The following CADM1 variants were observed in gnomAD, a reference collection of about 807,000 sequenced individuals.
The protein encoded by CADM1 is TSLC-1.
Under a neutral mutation model 53.1 loss-of-function variants are expected in CADM1, and 15 were observed. The observed-to-expected ratio is 0.28, with a 90% CI of 0.19 to 0.44. CADM1 has a LOEUF of 0.44. Ranked by LOEUF, CADM1 falls within the 20% of genes least tolerant of loss-of-function variation. The pLI, the probability that CADM1 is intolerant of heterozygous loss-of-function variation, is 1.00. For synonymous variants in CADM1, 281 were observed against 243.0 expected (o/e 1.16, Z -1.45); for missense variants, 434 against 611.3 (o/e 0.71, Z 3.06).
At chr11:115,499,135 T>C (rs969946270) in intron 1 of CADM1, among the ~76,000 whole-genome samples, 3 of 152,214 alleles carry the variant, frequency 2.0e-5, no homozygotes, top group Admixed American at 6.5e-5. Context: ...CAGCTTTTTC[T>C]TGGTTTCATG....
At chr11:115,426,172 T>C (rs914247413) in intron 1 of CADM1, among the ~76,000 whole-genome samples, 1 of 152,216 alleles carries the variant, frequency 6.6e-6, no homozygotes, top group African/African-American at 2.4e-5. Flanking sequence ...GAATTTTCTT[T>C]TGAGCTTCAG....
At chr11:115,496,508 AGAGG>A (rs1949617534) in intron 1 of CADM1, among the ~76,000 whole-genome samples, 1 of 152,168 alleles carries the variant, frequency 6.6e-6, no homozygotes, top group Non-Finnish European at 1.5e-5. Context: ...AGGGCAATAG[AGAGG>A]GAGTGGGAGA....
At chr11:115,413,501 A>G (rs942784795) in intron 1 of CADM1, among the ~76,000 whole-genome samples, 10 of 152,224 alleles carry the variant, frequency 6.6e-5, no homozygotes, top group Admixed American at 2.6e-4. Context: ...AAAGAACTCT[A>G]TGAGGAAGAT....
At chr11:115,282,710 G>C (rs1034461128) in intron 1 of CADM1, among the ~76,000 whole-genome samples, 5 of 152,114 alleles carry the variant, frequency 3.3e-5, no homozygotes, top group Admixed American at 1.3e-4. Context: ...TTGGGTTTCT[G>C]GTCAACACAT....
chr11:115,468,252 A>G (rs1357826640), intron 1 of CADM1, among the ~76,000 whole-genome samples: 1 of 152,238 alleles, frequency 6.6e-6, no homozygotes, highest in Admixed American at 6.5e-5. Flanking sequence ...GAAAATTACA[A>G]AGAAGAAAAA....
chr11:115,473,884 A>T, intron 1 of CADM1, among the ~76,000 whole-genome samples: 1 of 152,202 alleles, frequency 6.6e-6, no homozygotes, highest in East Asian at 1.9e-4. Flanking sequence ...CTATTAAGAG[A>T]CTGAAAAGAA....
Position 115,176,591 on chromosome 11 carries a change from A to T in CADM1, c.1299T>A (p.Gly433=). Reference sequence around the variant, plus strand: ...CTTTGGCTTCATGAGTGAAGTATGTACCTGAAAGATGAAGGGGTAAAGCAC... The same window carrying T: ...CTTTGGCTTCATGAGTGAAGTATGTTCCTGAAAGATGAAGGGGTAAAGCAC... ...ILGRYFARHK[G]TYFTHEAKGA... is the part of the protein sequence containing the mutation. Residue 433 remains glycine (G), a splice_region_variant and synonymous_variant, in exon 12 of 12, where the codon GGT becomes GGA. Coordinates refer to ENST00000331581, the MANE Select transcript of CADM1 (RefSeq NM_001301043.2). 1 of 1,613,502 alleles carries T rather than the reference A, an allele frequency of 6.2e-7. No individual in the cohort carries two copies. The highest frequency in any genetic ancestry group is 8.5e-7 in the Non-Finnish European group (1 of 1,179,490).
chr11:115,377,270 A>T (rs1307428896), intron 1 of CADM1: 1 of 152,196 alleles, frequency 6.6e-6, no homozygotes, highest in African/African-American at 2.4e-5. Context: ...CCAATACTTG[A>T]AATTATTTTC....
At chr11:115,492,958 CA>C (rs1428893610) in intron 1 of CADM1, among the ~76,000 whole-genome samples, 34 of 151,512 alleles carry the variant, frequency 2.2e-4, no homozygotes, top group Non-Finnish European at 4.1e-4. Context: ...CACACACACA[CA>C]CACCCTTGTT....
intron 1 of CADM1, among the ~76,000 whole-genome samples, chr11:115,319,929 T>G (rs1944776934): frequency 6.6e-6 from 1 of 152,226 alleles, no homozygotes. Context: ...TATCTTCCTG[T>G]TGGGGCCTTA....
At chr11:115,503,606 C>G (rs1239616957) in intron 1 of CADM1, among the ~76,000 whole-genome samples, 2 of 152,126 alleles carry the variant, frequency 1.3e-5, no homozygotes, top group East Asian at 3.9e-4. Context: ...CGCCTGGAGC[C>G]GGGCCAAAAA....
chr11:115,211,257 A>C (rs1215097602), intron 7 of CADM1, among the ~76,000 whole-genome samples: 1 of 152,076 alleles, frequency 6.6e-6, no homozygotes, highest in East Asian at 1.9e-4. Flanking sequence ...AGGTGTCAGC[A>C]TAGATATAAA....
chr11:115,180,459 T>G (rs1397758129), intron 10 of CADM1, among the ~76,000 whole-genome samples: 1 of 152,070 alleles, frequency 6.6e-6, no homozygotes, highest in Non-Finnish European at 1.5e-5. Context: ...TGCAGCCAAT[T>G]AGCCCGCTCT....
In CADM1 at chr11:115,395,032, C is replaced by A. The variant is rs111453196; in HGVS notation, c.124+109239G>T. ...AACAGATTTATAAAAATCAAATACA[C>A]GTGTGATATTTAGACTTGCCTTTGA... is the stretch of plus-strand genomic sequence containing the variant. On this transcript the variant is annotated intron_variant, in intron 1 of 11. Transcript: ENST00000331581. Among the ~76,000 whole-genome samples, 907 of 152,220 alleles carry A rather than the reference C, an allele frequency of 6.0e-3. 4 individuals are homozygous for A. Among genetic ancestry groups the A allele is most frequent in the Middle Eastern group, 0.031 (9 of 294 alleles).
chr11:115,443,046 T>A (rs1215009290), intron 1 of CADM1, among the ~76,000 whole-genome samples: 1 of 152,260 alleles, frequency 6.6e-6, no homozygotes, highest in African/African-American at 2.4e-5. Flanking sequence ...GTTGCCTTAT[T>A]GTTTATAATG....
chr11:115,281,253 C>T (rs536540583), intron 1 of CADM1, among the ~76,000 whole-genome samples: 160 of 152,258 alleles, frequency 1.1e-3, no homozygotes, highest in Admixed American at 1.9e-3. Flanking sequence ...TTATCCAGAG[C>T]GTAGGAGGCA....
intron 1 of CADM1, among the ~76,000 whole-genome samples, chr11:115,473,267 T>C (rs1949055987): frequency 6.6e-6 from 1 of 152,186 alleles, no homozygotes; most frequent in East Asian, 1.9e-4. Flanking sequence ...GACACCAGCC[T>C]GGGGAACATA....
intron 1 of CADM1, among the ~76,000 whole-genome samples, chr11:115,483,807 G>C (rs532899639): frequency 2.6e-5 from 4 of 152,256 alleles, no homozygotes; most frequent in Admixed American, 1.3e-4. Context: ...TAAAAATTCA[G>C]CCCCTTAGTC....
At chr11:115,429,485 A>AT (rs1165510397) in intron 1 of CADM1, among the ~76,000 whole-genome samples, 1 of 151,726 alleles carries the variant, frequency 6.6e-6, no homozygotes, top group Non-Finnish European at 1.5e-5. Context: ...GGCACCTGTA[A>AT]TCCCAACTAC....
Sources: allele counts gnomAD v4.1 joint callset (sites outside exome capture counted in the v4.1 genomes callset), GRCh38; gene constraint gnomAD v4.1.1; transcripts MANE v1.5; gene names NCBI Gene and HGNC (gene_info 2026-07-23, HGNC 2026-07-21).